EPC2: variants seen among roughly 807,000 people sequenced by gnomAD.
The protein encoded by EPC2 is enhancer of polycomb 2.
EPC2 carries 14 observed loss-of-function variants against 92.1 expected under a neutral mutation model. The observed-to-expected ratio is 0.15, with a 90% CI of 0.10 to 0.24. The LOEUF is 0.24. Ranked by LOEUF, EPC2 falls within the 10% of genes least tolerant of loss-of-function variation. The pLI, the probability that EPC2 is intolerant of heterozygous loss-of-function variation, is 1.00. For missense variants in EPC2, 755 were observed against 971.5 expected (o/e 0.78, Z 2.96); for synonymous variants, 340 against 334.7 (o/e 1.02, Z -0.17).
At chr2:148,776,856 C>CTCTCTTTTT (rs1247135854) in intron 10 of EPC2, among the ~76,000 whole-genome samples, 2 of 101,042 alleles carry the variant, frequency 2.0e-5, no homozygotes, top group African/African-American at 7.4e-5. Flanking sequence ...GTCTCTCTCT[C>CTCTCTTTTT]TTTTTTTTTT....
chr2:148,662,644 C>A (rs1680962274), intron 1 of EPC2, among the ~76,000 whole-genome samples: 1 of 151,558 alleles, frequency 6.6e-6, no homozygotes. Flanking sequence ...AGGAAGGGGA[C>A]CATAACACAC....
chr2:148,658,071 G>A (rs555875636), intron 1 of EPC2, among the ~76,000 whole-genome samples: 2 of 152,168 alleles, frequency 1.3e-5, no homozygotes, highest in South Asian at 2.1e-4. Flanking sequence ...TTAAGTTCTC[G>A]CTAGACCCTG....
chr2:148,677,805 C>A (rs896441015), intron 1 of EPC2, among the ~76,000 whole-genome samples: 1 of 151,686 alleles, frequency 6.6e-6, no homozygotes, highest in Non-Finnish European at 1.5e-5. Flanking sequence ...CTTAAGGCGG[C>A]GCATCTGGAG....
At chr2:148,778,937 T>A (rs1301024265) in intron 10 of EPC2, among the ~76,000 whole-genome samples, 1 of 152,210 alleles carries the variant, frequency 6.6e-6, no homozygotes, top group African/African-American at 2.4e-5. Context: ...TCAGTGATTC[T>A]CAACCAGAAA....
rs1297598743 is a variant in EPC2, at chr2:148,744,988, T to TGCC, written c.459+1222_459+1224dup. ...TTGCTGCATATTTAGCCTATCAGTTTGCCCCCCCCCCCCGCACCATTTTGA... is the reference window on the plus strand; with the variant it reads ...TTGCTGCATATTTAGCCTATCAGTTTGCCGCCCCCCCCCCCCGCACCATTTTGA... On this transcript the variant is annotated intron_variant, in intron 3 of 13. Transcript: ENST00000258484. Among the ~76,000 whole-genome samples the TGCC allele has an allele frequency of 2.1e-3, 79 of 37,474 alleles. 15 individuals carry two copies. The highest frequency in any genetic ancestry group is 6.4e-3 in the Non-Finnish European group (68 of 10,578). The allele number at this position is 37,474 out of a possible 152,430, so 24.6% of individuals were successfully genotyped here.
rs143295920 is a variant in EPC2 at position 148,657,973 on chromosome 2, C to T, written c.153+12803C>T. Among the ~76,000 whole-genome samples the T allele has an allele frequency of 4.1e-4, 63 of 151,868 alleles. 1 individual carries two copies. The East Asian group carries it at 0.012, about 29-fold the overall frequency. ...CACATATACCAATACAGTTGATTTT[C>T]ATTATTCGAGATAGTTATGTTCTGT... On this transcript the variant is annotated intron_variant, in intron 1 of 13. Transcript: ENST00000258484.
At chr2:148,776,439 T>C (rs1372987684) in intron 10 of EPC2, among the ~76,000 whole-genome samples, 1 of 152,184 alleles carries the variant, frequency 6.6e-6, no homozygotes, top group Non-Finnish European at 1.5e-5. Context: ...CCCCTTATCT[T>C]TCCTCTCCCC....
chr2:148,776,774 C>T (rs553588952), intron 10 of EPC2, among the ~76,000 whole-genome samples: 2 of 151,168 alleles, frequency 1.3e-5, no homozygotes, highest in Non-Finnish European at 1.5e-5. Context: ...TCTAGCACTT[C>T]GTGAGGACAA....
At chr2:148,697,660 C>T (rs1184900722) in intron 2 of EPC2, among the ~76,000 whole-genome samples, 1 of 152,094 alleles carries the variant, frequency 6.6e-6, no homozygotes. Flanking sequence ...AGAGGGAGAA[C>T]CACTAGGGCA....
intron 2 of EPC2, among the ~76,000 whole-genome samples, chr2:148,706,674 G>A (rs998078951): frequency 1.3e-5 from 2 of 152,240 alleles, no homozygotes; most frequent in African/African-American, 4.8e-5. Flanking sequence ...CAAGCCAGAA[G>A]AGAGTGGGGG....
Position 148,732,217 on chromosome 2 carries a change from C to G in EPC2, c.314-11405C>G, listed in dbSNP as rs1181104420. Among the ~76,000 whole-genome samples, 3 of 152,060 alleles carry G rather than the reference C, an allele frequency of 2.0e-5. No homozygotes were observed. The East Asian group carries it at 5.8e-4, about 29-fold the overall frequency. On this transcript the variant is annotated intron_variant, in intron 2 of 13. Coordinates refer to ENST00000258484, the MANE Select transcript of EPC2 (RefSeq NM_015630.4). ...ATTCTAAGAAAATTAAAAATGACTG[C>G]CTGTACCTAAGGGGTTCCTTTCCCA...
intron 13 of EPC2, among the ~76,000 whole-genome samples, chr2:148,785,368 C>A (rs1683846207): frequency 6.6e-6 from 1 of 151,904 alleles, no homozygotes; most frequent in Non-Finnish European, 1.5e-5. Context: ...TGCTGTCTTG[C>A]CCAGGCTGGA....
Position 148,751,116 on chromosome 2 carries a change from T to C in EPC2, c.460-2811T>C, listed in dbSNP as rs375566545. ...TTTCCCTTATCTTCCCCACATTCTA[T>C]AACCCATTAATGGGCTGATGGTAGT... On this transcript the variant is annotated intron_variant, in intron 3 of 13. Coordinates refer to ENST00000258484, the MANE Select transcript of EPC2 (RefSeq NM_015630.4). Among the ~76,000 whole-genome samples, 6 of 152,294 alleles carry C rather than the reference T, an allele frequency of 3.9e-5. No individual in the cohort carries two copies. The East Asian group carries it at 1.2e-3, about 29-fold the overall frequency.
intron 7 of EPC2, among the ~76,000 whole-genome samples, chr2:148,767,490 A>T (rs1256564601): frequency 6.6e-6 from 1 of 152,176 alleles, no homozygotes; most frequent in East Asian, 1.9e-4. Flanking sequence ...CCATATTACT[A>T]AAGAGTAAGT....
chr2:148,650,195 A>G (rs1226409509), intron 1 of EPC2, among the ~76,000 whole-genome samples: 4 of 152,144 alleles, frequency 2.6e-5, no homozygotes, highest in Admixed American at 6.5e-5. Flanking sequence ...ACATGCTTGC[A>G]AAATGTTTGT....
chr2:148,749,761 C>T (rs1417887041), intron 3 of EPC2, among the ~76,000 whole-genome samples: 1 of 151,892 alleles, frequency 6.6e-6, no homozygotes, highest in African/African-American at 2.4e-5. Flanking sequence ...CCAGTGAACC[C>T]CATCACACAA....
chr2:148,721,395 G>A (rs532763576), intron 2 of EPC2, among the ~76,000 whole-genome samples: 8 of 151,952 alleles, frequency 5.3e-5, no homozygotes, highest in Middle Eastern at 3.4e-3. Flanking sequence ...TGATTTCTGA[G>A]GAATATCTGA....
chr2:148,666,504 A>G (rs1473464253), intron 1 of EPC2, among the ~76,000 whole-genome samples: 2 of 152,264 alleles, frequency 1.3e-5, no homozygotes, highest in Non-Finnish European at 1.5e-5. Flanking sequence ...GTCAGGTACA[A>G]TAAAAATACA....
Position 148,690,239 on chromosome 2 carries a change from C to T in EPC2, c.179C>T (p.Ser60Leu). ...ESEHHLQRAI[S>L]AQQVFREKKE... ...GAACATCATTTACAGCGAGCAATTT[C>T]AGCACAGCAAGTGTTTAGAGAAAAA... The change falls in exon 2 of 14, where the codon TCA becomes TTA. Residue 60 changes from serine (S) to leucine (L), a missense_variant. Coordinates refer to ENST00000258484, the MANE Select transcript of EPC2 (RefSeq NM_015630.4). The T allele has an allele frequency of 6.2e-7, 1 of 1,603,834 alleles. No homozygotes were observed. Among genetic ancestry groups the T allele is most frequent in the Non-Finnish European group, 8.5e-7 (1 of 1,177,126 alleles).
Sources: allele counts gnomAD v4.1 joint callset (sites outside exome capture counted in the v4.1 genomes callset), GRCh38; gene constraint gnomAD v4.1.1; transcripts MANE v1.5; gene names NCBI Gene and HGNC (gene_info 2026-07-23, HGNC 2026-07-21).